Variants in NPC1 observed in about 807,000 individuals in gnomAD.
NPC1 encodes the protein Niemann-Pick C1 protein.
In NPC1, 85 loss-of-function variants were observed where a neutral mutation model predicts 140.4. The observed-to-expected ratio is 0.61, with a 90% CI of 0.51 to 0.72. NPC1 has a LOEUF of 0.72. Ranked by LOEUF, NPC1 falls within the 30% of genes least tolerant of loss-of-function variation. The pLI, the probability that NPC1 is intolerant of heterozygous loss-of-function variation, is 0.00. For missense variants in NPC1, 1,504 were observed against 1,623.8 expected, an observed-to-expected ratio of 0.93 and a Z score of 1.27; for synonymous variants, 656 against 624.8, an observed-to-expected ratio of 1.05 and a Z score of -0.74.
chr18:23,553,117 G>A (rs2058897760), intron 9 of NPC1, among the ~76,000 whole-genome samples: 1 of 152,220 alleles, frequency 6.6e-6, no homozygotes, highest in Non-Finnish European at 1.5e-5. Context: ...TCAGGTCCCT[G>A]CCACCAGGAG....
At chr18:23,533,777 G>GAACC in intron 23 of NPC1, 1 of 478,198 alleles carries the variant, frequency 2.1e-6, no homozygotes, top group African/African-American at 2.0e-5. Flanking sequence ...AAGTGCTGGG[G>GAACC]TTATAGGCAT....
intron 4 of NPC1, among the ~76,000 whole-genome samples, chr18:23,563,569 G>A (rs1033532951): frequency 6.6e-6 from 1 of 152,080 alleles, no homozygotes; most frequent in African/African-American, 2.4e-5. Context: ...CTACAGATGT[G>A]CACCACCATA....
intron 3 of NPC1, among the ~76,000 whole-genome samples, chr18:23,515,360 T>C (rs1169431278): frequency 6.6e-6 from 1 of 152,130 alleles, no homozygotes; most frequent in Non-Finnish European, 1.5e-5. Flanking sequence ...TGCCTCTCAG[T>C]CGTGGCAAAG....
intron 3 of NPC1, among the ~76,000 whole-genome samples, chr18:23,570,260 TCTC>T (rs1354821368): frequency 6.6e-6 from 1 of 152,246 alleles, no homozygotes; most frequent in Non-Finnish European, 1.5e-5. Context: ...TCAGGTTGTT[TCTC>T]CTGTTTGCTA....
Position 23,572,470 on chromosome 18 carries a change from A to G in NPC1, c.181-290T>C, listed in dbSNP as rs76327124. 0.024 allele frequency among the ~76,000 whole-genome samples: 3,630 copies of G among 152,250 alleles called. 287 individuals carry two copies. In the East Asian group the frequency reaches 0.3, roughly 13 times the overall value. ...TTTTTTGTTTGTTTGATTCAATTCA[A>G]CCAGAGTGCTACTTACTATTTCTAT... On this transcript the variant is annotated intron_variant, in intron 2 of 24. Transcript: ENST00000269228.
intron 24 of NPC1, among the ~76,000 whole-genome samples, chr18:23,532,586 ACAC>A (rs2058548032): frequency 6.6e-6 from 1 of 152,006 alleles, no homozygotes; most frequent in African/African-American, 2.4e-5. Context: ...CTGCAGACGC[ACAC>A]CACTTCACCT....
At chr18:23,581,771 A>G (rs1159595398) in intron 1 of NPC1, among the ~76,000 whole-genome samples, 4 of 152,142 alleles carry the variant, frequency 2.6e-5, no homozygotes, top group South Asian at 2.1e-4. Flanking sequence ...TATTTTCTCT[A>G]GTTTTCCTCT....
At position 23,569,278 on chromosome 18, in the gene NPC1, T is replaced by C. The variant is rs561534687; in HGVS notation, c.288-280A>G. Reference sequence around the variant, plus strand: ...TTCTGCACTTTATAATTTAGAGACATACATTCTCTGACCTAGAGTAAAGGG... The same window carrying C: ...TTCTGCACTTTATAATTTAGAGACACACATTCTCTGACCTAGAGTAAAGGG... On this transcript the variant is annotated intron_variant, in intron 3 of 24. Coordinates refer to ENST00000269228, the MANE Select transcript of NPC1 (RefSeq NM_000271.5). Among the ~76,000 whole-genome samples the C allele has an allele frequency of 2.0e-5, 3 of 152,340 alleles. No homozygotes were observed. In the South Asian group the frequency reaches 6.2e-4, roughly 32 times the overall value.
At chr18:23,540,089 C>T (rs2058692002) in intron 17 of NPC1, 88 bp from the exon 18 acceptor site, 1 of 1,177,138 alleles carries the variant, frequency 8.5e-7, no homozygotes, top group Non-Finnish European at 1.2e-6. Flanking sequence ...AAGAGGGTGC[C>T]AGGAGGTTCC....
In NPC1 at chr18:23,535,746, G is replaced by C. The variant is rs117851153; in HGVS notation, c.3246-46C>G. ...CTCATTAAAGCTCGCTCTCACTCCCGAACACTGCGTGTTCATCCTGTCACC... is the reference window on the plus strand; with the variant it reads ...CTCATTAAAGCTCGCTCTCACTCCCCAACACTGCGTGTTCATCCTGTCACC... On this transcript the variant is annotated intron_variant, in intron 21 of 24. Transcript: ENST00000269228. 5 of 1,245,930 alleles carry C rather than the reference G, an allele frequency of 4.0e-6. No homozygotes were observed. In the South Asian group the frequency reaches 4.8e-5, roughly 12 times the overall value. 77.2% of individuals were successfully genotyped at this position (1,245,930 alleles called of 1,614,324 possible). A position where few individuals can be genotyped will look rare whatever the true frequency, so the allele number is the denominator to read the frequency against.
intron 1 of NPC1, among the ~76,000 whole-genome samples, chr18:23,577,357 C>G: frequency 1.5e-5 from 1 of 67,732 alleles, no homozygotes; most frequent in Admixed American, 1.5e-4. Context: ...TTGAGCTAAA[C>G]ACAGGGTGCT....
At position 23,544,497 on chromosome 18, in the gene NPC1, C is replaced by A. The variant is rs773827934; in HGVS notation, c.1977G>T (p.Ala659=). 6.2e-7 allele frequency: 1 copy of A among 1,614,156 alleles called. No homozygotes were observed. Among genetic ancestry groups the A allele is most frequent in the South Asian group, 1.1e-5 (1 of 91,074 alleles). The change falls in exon 13 of 25, where the codon GCG becomes GCT. Residue 659 remains alanine, a synonymous_variant. Transcript: ENST00000269228. The part of the protein sequence containing the change: ...LVDSKVSLGI[A]GILIVLSSVA... Reference sequence around the variant, plus strand: ...CCGAGCTCAGCACGATCAAGATGCCCGCGATGCCTAGTGAGACCTTCGAAT... The same window carrying A: ...CCGAGCTCAGCACGATCAAGATGCCAGCGATGCCTAGTGAGACCTTCGAAT...
intron 24 of NPC1, chr18:23,532,834 A>C: frequency 1.0e-6 from 1 of 977,348 alleles, no homozygotes; most frequent in Non-Finnish European, 1.2e-6. Context: ...CAAAGCTATA[A>C]ATGAAGCAAA....
Position 23,532,109 on chromosome 18 carries a change from G to T in NPC1, c.*93C>A, listed in dbSNP as rs767445438. 1.2e-6 allele frequency: 2 copies of T among 1,613,450 alleles called. No individual in the cohort carries two copies. The highest frequency in any genetic ancestry group is 1.3e-5 in the African/African-American group (1 of 74,844). On this transcript the variant is annotated 3_prime_UTR_variant, in exon 25 of 25. Coordinates refer to ENST00000269228, the MANE Select transcript of NPC1 (RefSeq NM_000271.5). Reference sequence around the variant, plus strand: ...AAACAACCGATGGTTGGCACCATCCGGTGTTCAACTTGGCCTTGCCGATGC... The same window carrying T: ...AAACAACCGATGGTTGGCACCATCCTGTGTTCAACTTGGCCTTGCCGATGC...
intron 4 of NPC1, 97 bp downstream of exon 4, chr18:23,568,726 T>C: frequency 2.0e-6 from 2 of 978,220 alleles, no homozygotes; most frequent in Non-Finnish European, 3.3e-6. Context: ...AACTGAAAAT[T>C]GTGATTTTCC....
chr18:23,540,728 T>G (rs2058702000), intron 16 of NPC1, among the ~76,000 whole-genome samples, 191 bp from the exon 17 acceptor site: 1 of 152,244 alleles, frequency 6.6e-6, no homozygotes, highest in African/African-American at 2.4e-5. Context: ...GTGCAAATCC[T>G]GACTCTGCCA....
chr18:23,534,276 TC>T (rs1467039644), intron 23 of NPC1, 169 bp downstream of exon 23: 1 of 684,160 alleles, frequency 1.5e-6, no homozygotes, highest in Non-Finnish European at 2.7e-6. Context: ...CAGGTACAGT[TC>T]CACAGAACGT....
intron 9 of NPC1, 40 bp downstream of exon 9, chr18:23,554,718 C>G (rs1440887778): frequency 6.5e-7 from 1 of 1,539,888 alleles, no homozygotes; most frequent in South Asian, 1.1e-5. Context: ...AAGTCAGACC[C>G]AAGAATGGTG....
downstream of NPC1, among the ~76,000 whole-genome samples, chr18:23,526,307 A>G (rs996732367): frequency 1.3e-5 from 2 of 152,192 alleles, no homozygotes; most frequent in Admixed American, 6.5e-5. Context: ...TTAAACGTTA[A>G]AAGAGGGGCT....
Sources: gnomAD v4.1 joint callset for allele counts (sites outside exome capture counted in the v4.1 genomes callset) on GRCh38, gnomAD v4.1.1 for gene constraint, MANE v1.5 for transcripts, NCBI Gene and HGNC (gene_info 2026-07-23, HGNC 2026-07-21) for gene names.